MDN1: variants seen among roughly 807,000 people sequenced by gnomAD.
MDN1 encodes the protein midasin.
MDN1 carries 266 observed loss-of-function variants against 669.2 expected under a neutral mutation model. That is an observed-to-expected ratio of 0.40 (90% CI 0.36 to 0.44). MDN1 has a LOEUF of 0.44. Ranked by LOEUF, MDN1 falls within the 20% of genes least tolerant of loss-of-function variation. The pLI is 1.00. For synonymous variants in MDN1, 2,385 were observed against 2,457.1 expected (o/e 0.97, Z 0.87); for missense variants, 5,940 against 6,754.0 (o/e 0.88, Z 4.22).
intron 60 of MDN1, among the ~76,000 whole-genome samples, 157 bp from the exon 61 acceptor site, chr6:89,696,149 A>G (rs917625687): frequency 6.6e-6 from 1 of 152,182 alleles, no homozygotes; most frequent in Non-Finnish European, 1.5e-5. Context: ...TTGGTTTACT[A>G]AGTTCACCCT....
chr6:89,657,447 A>G (rs183601526), intron 90 of MDN1, among the ~76,000 whole-genome samples: 8 of 152,360 alleles, frequency 5.3e-5, no homozygotes, highest in African/African-American at 9.6e-5. Context: ...AATTGTGGCC[A>G]TATCAGAACA....
chr6:89,723,473 G>T, intron 39 of MDN1, 39 bp downstream of exon 39: 1 of 1,231,408 alleles, frequency 8.1e-7, no homozygotes, highest in Non-Finnish European at 1.1e-6. Context: ...TTCAAATACA[G>T]CCAGAAAAAA....
intron 57 of MDN1, 99 bp from the exon 58 acceptor site, chr6:89,699,826 A>G (rs2128309539): frequency 7.6e-7 from 1 of 1,323,484 alleles, no homozygotes; most frequent in Non-Finnish European, 1.0e-6. Flanking sequence ...AACTTACAGT[A>G]CATTTATCTA....
At chr6:89,723,427 A>G (rs1814975867) in intron 39 of MDN1, 85 bp downstream of exon 39, 2 of 869,682 alleles carry the variant, frequency 2.3e-6, no homozygotes, top group African/African-American at 1.7e-5. Context: ...AGAGATCCTG[A>G]TAATTTGGTA....
rs769822542 is a variant in MDN1, at chr6:89,700,875, C to T, written c.8428-19G>A. The T allele has an allele frequency of 4.3e-6, 7 of 1,609,856 alleles. No individual in the cohort carries two copies. The highest frequency in any genetic ancestry group is 5.9e-6 in the Non-Finnish European group (7 of 1,176,938). On this transcript the variant is annotated intron_variant, in intron 55 of 101. Transcript: ENST00000369393. ...GCTTGTCCTGAAACAACAACACCCA[C>T]AAGAGCATACTATAGAGCACAAATG... is the stretch of plus-strand genomic sequence containing the variant.
intron 74 of MDN1, among the ~76,000 whole-genome samples, chr6:89,679,728 C>T (rs1562078144): frequency 6.6e-6 from 1 of 152,190 alleles, no homozygotes; most frequent in Non-Finnish European, 1.5e-5. Flanking sequence ...ACACTGAAGC[C>T]ACCCAGTCTG....
Position 89,694,099 on chromosome 6 carries a change from C to G in MDN1, c.9856G>C (p.Val3286Leu). Residue 3286 changes from valine to leucine, a missense_variant, in exon 62 of 102, where the codon GTC becomes CTC. Coordinates refer to ENST00000369393, the MANE Select transcript of MDN1 (RefSeq NM_014611.3). ...CTGACGTGAGGATGAGAGTAGCTGA[C>G]AACGACTTCATCTTCCAGGTCTCTT... ...TGRDLEDEVV[V>L]SYSHPHVRLL... 3 of 1,614,188 alleles carry G rather than the reference C, an allele frequency of 1.9e-6. No homozygotes were observed. The highest frequency in any genetic ancestry group is 2.5e-6 in the Non-Finnish European group (3 of 1,180,018).
Position 89,772,507 on chromosome 6 carries a change from T to A in MDN1, c.2083+66A>T, listed in dbSNP as rs551571063. 1.4e-5 allele frequency: 22 copies of A among 1,562,744 alleles called. No homozygotes were observed. The South Asian group carries it at 2.4e-4, about 17-fold the overall frequency. On this transcript the variant is annotated intron_variant, in intron 14 of 101. Coordinates refer to ENST00000369393, the MANE Select transcript of MDN1 (RefSeq NM_014611.3). The stretch of plus-strand genomic sequence containing the variant: ...CTGTGGTCTTTGGATTTAGTATTTT[T>A]AAAAAAGGAAAAAAAGTAGTCAGTG...
chr6:89,707,514 G>T, intron 51 of MDN1, 38 bp from the exon 52 acceptor site: 1 of 1,259,204 alleles, frequency 7.9e-7, no homozygotes, highest in Non-Finnish European at 1.2e-6. Context: ...AATAGCTATC[G>T]GTTAATAACA....
At chr6:89,651,311 C>G (rs59424905) in intron 95 of MDN1, among the ~76,000 whole-genome samples, 6,259 of 116,880 alleles carry the variant, frequency 0.054, 310 homozygotes, top group East Asian at 0.23. Flanking sequence ...GGTGACAGAG[C>G]GAGATTCCGT....
At chr6:89,751,717 T>C in intron 22 of MDN1, 135 bp from the exon 23 acceptor site, 1 of 915,500 alleles carries the variant, frequency 1.1e-6, no homozygotes, top group Non-Finnish European at 1.6e-6. Context: ...CTGGATGAAA[T>C]ATGAACATAA....
intron 15 of MDN1, among the ~76,000 whole-genome samples, chr6:89,768,425 CTA>C (rs1206957419): frequency 2.6e-5 from 4 of 152,206 alleles, no homozygotes; most frequent in African/African-American, 9.6e-5. Flanking sequence ...TTGTCTTGTG[CTA>C]TGATTGTGAG....
intron 32 of MDN1, among the ~76,000 whole-genome samples, chr6:89,739,300 G>A (rs1816164307): frequency 1.3e-5 from 2 of 152,174 alleles, no homozygotes; most frequent in South Asian, 4.1e-4. Flanking sequence ...TAATCTGACA[G>A]CCAAGCTAAT....
chr6:89,684,297 C>A (rs556916196), intron 71 of MDN1, among the ~76,000 whole-genome samples: 1 of 151,348 alleles, frequency 6.6e-6, no homozygotes, highest in African/African-American at 2.4e-5. Context: ...GAGCTGAGAT[C>A]GTGCCACTGC....
chr6:89,758,745 A>G lies in MDN1; in HGVS notation c.2605+71T>C, dbSNP rs961979278. ...CCATGTCATCCTTCTAACAACAACA[A>G]CAAAAAATCTCACTCTAAAGTGGCC... On this transcript the variant is annotated intron_variant, in intron 18 of 101. Transcript: ENST00000369393. 1.3e-5 allele frequency: 20 copies of G among 1,512,550 alleles called. No individual in the cohort carries two copies. The Admixed American group carries it at 3.8e-4, about 29-fold the overall frequency. 93.7% of individuals were successfully genotyped at this position (1,512,550 alleles called of 1,614,324 possible). A position where few individuals can be genotyped will look rare whatever the true frequency, so the allele number is the denominator to read the frequency against.
At chr6:89,706,227 A>T in intron 52 of MDN1, 35 bp from the exon 53 acceptor site, 1 of 1,589,226 alleles carries the variant, frequency 6.3e-7, no homozygotes, top group Non-Finnish European at 8.6e-7. Context: ...AGAACATTTC[A>T]TCAGATTTAA....
Position 89,643,508 on chromosome 6 carries a change from T to TA in MDN1, c.*496dup, listed in dbSNP as rs1412659464. ...TTCACAATAAGAAAACACACCCTCATACTCTCCAGAAACGAGCTGTCTTGG... is the reference window on the plus strand; with the variant it reads ...TTCACAATAAGAAAACACACCCTCATAACTCTCCAGAAACGAGCTGTCTTGG... On this transcript the variant is annotated 3_prime_UTR_variant, in exon 102 of 102. Transcript: ENST00000369393. The TA allele has an allele frequency of 6.5e-6, 1 of 153,000 alleles. No homozygotes were observed. The highest frequency in any genetic ancestry group is 1.5e-5 in the Non-Finnish European group (1 of 68,654). 9.5% of individuals were successfully genotyped at this position (153,000 alleles called of 1,614,324 possible). A position where few individuals can be genotyped will look rare whatever the true frequency, so the allele number is the denominator to read the frequency against.
At chr6:89,654,420 C>T in intron 92 of MDN1, 86 bp from the exon 93 acceptor site, 2 of 1,532,818 alleles carry the variant, frequency 1.3e-6, no homozygotes, top group Non-Finnish European at 1.8e-6. Flanking sequence ...TTCTGTCATT[C>T]TAGCTTCCAA....
chr6:89,760,067 G>A (rs763088573), intron 17 of MDN1, among the ~76,000 whole-genome samples: 6 of 143,642 alleles, frequency 4.2e-5, no homozygotes, highest in Non-Finnish European at 9.4e-5. Context: ...GTCAGACTCT[G>A]TCTCAAAAAA....
Sources: allele counts gnomAD v4.1 joint callset (sites outside exome capture counted in the v4.1 genomes callset), GRCh38; gene constraint gnomAD v4.1.1; transcripts MANE v1.5; gene names NCBI Gene and HGNC (gene_info 2026-07-23, HGNC 2026-07-21).